AP2A2: variants seen among roughly 807,000 people sequenced by gnomAD.
AP2A2 encodes AP-2 complex subunit alpha-2.
AP2A2 carries 32 observed loss-of-function variants against 104.2 expected under a neutral mutation model. The ratio of observed to expected loss-of-function variants is 0.31; its 90% CI spans 0.23 to 0.41. The LOEUF is 0.41. Among genes scored for constraint, AP2A2 ranks in the 10% least tolerant of loss-of-function variants. AP2A2 has a pLI of 1.00. For missense variants in AP2A2, 912 were observed against 1,261.0 expected (o/e 0.72, Z 4.19); for synonymous variants, 539 against 533.3 (o/e 1.01, Z -0.15).
chr11:972,022 T>C, intron 3 of AP2A2, 40 bp from the exon 4 acceptor site: 3 of 1,565,984 alleles, frequency 1.9e-6, no homozygotes, highest in Non-Finnish European at 2.6e-6. Flanking sequence ...TGGACTTGGA[T>C]TGTCATGAGC....
At chr11:1,001,088 C>G (rs1316064562) in intron 15 of AP2A2, among the ~76,000 whole-genome samples, 1 of 152,248 alleles carries the variant, frequency 6.6e-6, no homozygotes, top group Non-Finnish European at 1.5e-5. Flanking sequence ...ACCCTGCTCA[C>G]GCCTTCGGCC....
At chr11:973,096 C>T (rs899918077) in intron 4 of AP2A2, among the ~76,000 whole-genome samples, 7 of 152,248 alleles carry the variant, frequency 4.6e-5, no homozygotes, top group South Asian at 2.1e-4. Flanking sequence ...CTCGCCCACA[C>T]GGTGCCACCC....
At chr11:1,007,317 C>G in intron 17 of AP2A2, 1 of 153,518 alleles carries the variant, frequency 6.5e-6, no homozygotes, top group South Asian at 2.1e-4. Context: ...TCAAAACAGT[C>G]ATTAAAAATA....
chr11:987,028 C>A (rs550619475), intron 9 of AP2A2, 75 bp downstream of exon 9: 2 of 1,482,722 alleles, frequency 1.3e-6, no homozygotes, highest in South Asian at 2.5e-5. Context: ...GCTGGGGGTA[C>A]GCAGTGCCTC....
rs201323496 is a variant in AP2A2, at chr11:1,009,207, A to T, written c.2528A>T (p.Gln843Leu). The change falls in exon 19 of 22, where the codon CAG becomes CTG. Residue 843 changes from glutamine (Q) to leucine (L), a missense_variant. By Grantham distance (113) the Gln-to-Leu change is moderately radical. This residue lies in a region of AP2A2 where 239 missense variants were observed against 329.8 expected (regional missense o/e 0.72). Transcript: ENST00000448903. Reference protein sequence around the residue: ...ASQDFFQRWKQLSNPQQEVQN... With the variant: ...ASQDFFQRWKLLSNPQQEVQN... ...CAGGATTTCTTTCAACGTTGGAAGC[A>T]GTTGAGCAAGTGAGAAACCTGTTTC... The T allele has an allele frequency of 1.5e-4, 245 of 1,613,520 alleles. No homozygotes were observed. Among genetic ancestry groups the T allele is most frequent in the Middle Eastern group, 9.9e-4 (6 of 6,060 alleles).
In AP2A2 at chr11:1,011,647, G is replaced by C. The variant is rs763778400; in HGVS notation, c.*1022G>C. 1 of 373,842 alleles carries C rather than the reference G, an allele frequency of 2.7e-6. No individual in the cohort carries two copies. The highest frequency in any genetic ancestry group is 5.4e-6 in the Non-Finnish European group (1 of 186,666). 23.2% of individuals were successfully genotyped at this position (373,842 alleles called of 1,614,324 possible). On this transcript the variant is annotated 3_prime_UTR_variant, in exon 22 of 22. Coordinates refer to ENST00000448903, the MANE Select transcript of AP2A2 (RefSeq NM_012305.4). ...TGGGGCCGGCCTAGGAGCCAAGGCT[G>C]GGGCCTTGCGCTCTGTCCCCAGGAT...
intron 2 of AP2A2, among the ~76,000 whole-genome samples, chr11:962,126 C>T (rs1854463378): frequency 6.6e-6 from 1 of 152,192 alleles, no homozygotes; most frequent in Non-Finnish European, 1.5e-5. Context: ...CTGGCACCCT[C>T]TTGCTCAGCC....
intron 1 of AP2A2, 26 bp downstream of exon 1, chr11:926,114 C>A: frequency 8.1e-7 from 1 of 1,240,936 alleles, no homozygotes; most frequent in Non-Finnish European, 1.0e-6. Flanking sequence ...GGCGTGGGGC[C>A]GGGGCCGGGG....
In AP2A2 at chr11:1,009,386, A is replaced by T. The variant is rs375554368; in HGVS notation, c.2596A>T (p.Thr866Ser). 3 of 1,613,192 alleles carry T rather than the reference A, an allele frequency of 1.9e-6. No individual in the cohort carries two copies. The African/African-American group carries it at 4.0e-5, about 22-fold the overall frequency. ...KAKHPMDTEV[T>S]KAKIIGFGSA... Reference sequence around the variant, plus strand: ...AAAGCACCCAATGGACACAGAAGTCACCAAAGCCAAGGTAACACGTCTGGA... The same window carrying T: ...AAAGCACCCAATGGACACAGAAGTCTCCAAAGCCAAGGTAACACGTCTGGA... Residue 866 changes from threonine (T) to serine (S), a missense_variant, in exon 20 of 22, where the codon ACC (threonine) becomes TCC (serine). Coordinates refer to ENST00000448903, the MANE Select transcript of AP2A2 (RefSeq NM_012305.4).
At position 1,009,404 on chromosome 11, in the gene AP2A2, C is replaced by T. The variant is rs1030007241; in HGVS notation, c.2607+7C>T. ...AGAAGTCACCAAAGCCAAGGTAACA[C>T]GTCTGGAGGGACGGCCCCGGGGGAC... On this transcript the variant is annotated splice_region_variant and intron_variant, in intron 20 of 21. Transcript: ENST00000448903. 218 of 1,611,440 alleles carry T rather than the reference C, an allele frequency of 1.4e-4. 2 individuals carry two copies. In the Admixed American group the frequency reaches 3.2e-3, roughly 23 times the overall value.
rs766671799 is a variant in AP2A2, at chr11:1,009,763, G to T, written c.2688G>T (p.Thr896=). ...ANFVGAGIIH[T]KTTQIGCLLR... ...TCGTGGGAGCTGGAATCATCCACAC[G>T]AAAACCACCCAGATTGGATGCCTGC... The change falls in exon 21 of 22, where the codon ACG becomes ACT. Residue 896 remains threonine (T), a synonymous_variant. Transcript: ENST00000448903. 1.3e-6 allele frequency: 2 copies of T among 1,552,038 alleles called. No individual in the cohort carries two copies. The highest frequency in any genetic ancestry group is 4.9e-5 in the East Asian group (2 of 41,032).
chr11:976,892 A>C (rs556674370), intron 4 of AP2A2, among the ~76,000 whole-genome samples: 1 of 152,336 alleles, frequency 6.6e-6, no homozygotes, highest in East Asian at 1.9e-4. Flanking sequence ...GAAGGTTGGC[A>C]GGGAGACCTT....
chr11:943,258 C>G (rs1206025276), intron 1 of AP2A2: 1 of 152,176 alleles, frequency 6.6e-6, no homozygotes, highest in Admixed American at 6.5e-5. Flanking sequence ...CTCTTCAGGG[C>G]TCACAACTCT....
intron 9 of AP2A2, among the ~76,000 whole-genome samples, chr11:987,924 T>C (rs1273169925): frequency 6.6e-6 from 1 of 152,242 alleles, no homozygotes; most frequent in Non-Finnish European, 1.5e-5. Context: ...CCGGGTGGTG[T>C]GCAAGGGGCT....
At chr11:930,486 A>T (rs887757189) in intron 1 of AP2A2, among the ~76,000 whole-genome samples, 4 of 152,034 alleles carry the variant, frequency 2.6e-5, no homozygotes, top group African/African-American at 9.7e-5. Flanking sequence ...AATTGGCATT[A>T]AAAAAATTCT....
At chr11:988,347 G>T (rs932858995) in intron 9 of AP2A2, among the ~76,000 whole-genome samples, 1 of 152,216 alleles carries the variant, frequency 6.6e-6, no homozygotes, top group Non-Finnish European at 1.5e-5. Context: ...TGGCCTGTGC[G>T]GGAGGGCCGG....
chr11:952,746 G>T (rs1854094226), intron 1 of AP2A2, among the ~76,000 whole-genome samples: 1 of 152,164 alleles, frequency 6.6e-6, no homozygotes, highest in African/African-American at 2.4e-5. Flanking sequence ...TTGTTGCTGT[G>T]GGTCAGTTAC....
At chr11:960,798 G>A (rs1854409397) in intron 2 of AP2A2, among the ~76,000 whole-genome samples, 1 of 151,666 alleles carries the variant, frequency 6.6e-6, no homozygotes, top group Non-Finnish European at 1.5e-5. Flanking sequence ...GATTACAGGC[G>A]TGAGCCACTG....
intron 1 of AP2A2, chr11:932,701 C>T (rs1157321438): frequency 2.2e-6 from 1 of 456,184 alleles, no homozygotes; most frequent in Admixed American, 2.4e-5. Context: ...TTGAATTTTT[C>T]TTGCCAAGGT....
Sources: gnomAD v4.1 joint callset for allele counts (sites outside exome capture counted in the v4.1 genomes callset) on GRCh38, gnomAD v4.1.1 for gene constraint, gnomAD v4.1.1 regional missense constraint, MANE v1.5 for transcripts, NCBI Gene and HGNC (gene_info 2026-07-23, HGNC 2026-07-21) for gene names.